Variants in ZNF385D observed in about 807,000 individuals in gnomAD.
ZNF385D encodes zinc finger protein 385D.
ZNF385D carries 15 observed loss-of-function variants against 35.8 expected under a neutral mutation model. The ratio of observed to expected loss-of-function variants is 0.42; its 90% CI spans 0.28 to 0.64. The LOEUF is 0.64. Among genes scored for constraint, ZNF385D ranks in the 30% least tolerant of loss-of-function variants. ZNF385D has a pLI of 0.23. For synonymous variants in ZNF385D, 212 were observed against 186.8 expected (o/e 1.13, Z -1.10); for missense variants, 474 against 494.6 (o/e 0.96, Z 0.39).
intron 2 of ZNF385D, among the ~76,000 whole-genome samples, chr3:22,352,735 T>C (rs1441399041): frequency 6.6e-6 from 1 of 152,108 alleles, no homozygotes; most frequent in African/African-American, 2.4e-5. Flanking sequence ...ACATATTCAG[T>C]AGATAAAAAT....
At chr3:21,681,513 G>C (rs1344381399) in intron 1 of ZNF385D, among the ~76,000 whole-genome samples, 3 of 151,350 alleles carry the variant, frequency 2.0e-5, no homozygotes, top group African/African-American at 7.3e-5. Context: ...CAAGGGGAGA[G>C]CTTAGGAAAG....
chr3:22,045,654 G>C (rs1576220459), intron 3 of ZNF385D, among the ~76,000 whole-genome samples: 1 of 152,088 alleles, frequency 6.6e-6, no homozygotes, highest in African/African-American at 2.4e-5. Context: ...AGTAAAGGTG[G>C]TATTTTAAAA....
chr3:21,596,604 C>T (rs2064134202), intron 2 of ZNF385D, among the ~76,000 whole-genome samples: 1 of 150,528 alleles, frequency 6.6e-6, no homozygotes, highest in Non-Finnish European at 1.5e-5. Context: ...CCTCAGCCTA[C>T]TGGCCAGCTG....
chr3:21,648,581 T>C (rs2065822231), intron 2 of ZNF385D, among the ~76,000 whole-genome samples: 1 of 152,164 alleles, frequency 6.6e-6, no homozygotes. Flanking sequence ...TTTATAAACA[T>C]TGATAACAAC....
chr3:22,296,725 T>G (rs971556728), intron 2 of ZNF385D, among the ~76,000 whole-genome samples: 1 of 152,102 alleles, frequency 6.6e-6, no homozygotes, highest in East Asian at 1.9e-4. Flanking sequence ...GCAGCTGACA[T>G]AGAAACCTCC....
chr3:21,932,166 C>CAAAAAAAAAAATAAAAAAAAAA (rs1701044216), intron 3 of ZNF385D, among the ~76,000 whole-genome samples: 1 of 55,314 alleles, frequency 1.8e-5, no homozygotes, highest in Non-Finnish European at 3.1e-5. Context: ...GACTCATTCT[C>CAAAAAAAAAAATAAAAAAAAAA]AAAAAAAAAA....
intron 2 of ZNF385D, among the ~76,000 whole-genome samples, chr3:21,616,135 C>T (rs534896599): frequency 9.9e-5 from 15 of 151,596 alleles, no homozygotes; most frequent in African/African-American, 3.6e-4. Context: ...AAAGAATGAA[C>T]AAAATAAAAG....
upstream of ZNF385D, among the ~76,000 whole-genome samples, chr3:21,752,003 A>ACACC (rs2070116551): frequency 4.4e-5 from 2 of 45,820 alleles, no homozygotes; most frequent in African/African-American, 6.8e-5. Context: ...ACACACACAC[A>ACACC]CCCACCCCCC....
chr3:21,585,093 G>A (rs2063773223), intron 2 of ZNF385D, among the ~76,000 whole-genome samples: 1 of 152,084 alleles, frequency 6.6e-6, no homozygotes, highest in African/African-American at 2.4e-5. Context: ...TTCTAAATGT[G>A]TTTTAAATAA....
At chr3:21,743,356 T>C (rs931249762) in intron 1 of ZNF385D, among the ~76,000 whole-genome samples, 1 of 152,224 alleles carries the variant, frequency 6.6e-6, no homozygotes, top group African/African-American at 2.4e-5. Flanking sequence ...ACACTAAATA[T>C]AGACACTAGA....
intron 2 of ZNF385D, among the ~76,000 whole-genome samples, chr3:21,578,491 A>G (rs1308276303): frequency 6.6e-6 from 1 of 152,058 alleles, no homozygotes; most frequent in Non-Finnish European, 1.5e-5. Context: ...TCAATTTCAC[A>G]TTGATTTTTA....
intron 2 of ZNF385D, among the ~76,000 whole-genome samples, chr3:22,178,868 C>T (rs902393823): frequency 6.6e-6 from 1 of 152,104 alleles, no homozygotes; most frequent in Non-Finnish European, 1.5e-5. Context: ...TTGTTTTTGC[C>T]AGGTTTGTCA....
At chr3:22,105,361 A>G (rs955104158) in intron 3 of ZNF385D, among the ~76,000 whole-genome samples, 1 of 151,942 alleles carries the variant, frequency 6.6e-6, no homozygotes, top group Non-Finnish European at 1.5e-5. Context: ...ATAAACACAT[A>G]TATATCTATA....
chr3:21,485,417 C>T (rs1704954260), intron 4 of ZNF385D, among the ~76,000 whole-genome samples: 1 of 152,138 alleles, frequency 6.6e-6, no homozygotes, highest in Non-Finnish European at 1.5e-5. Context: ...TCCTAAACTG[C>T]CAGCTGGTGG....
intron 3 of ZNF385D, among the ~76,000 whole-genome samples, chr3:22,051,043 TG>T (rs1699320082): frequency 2.7e-5 from 1 of 37,420 alleles, no homozygotes; most frequent in African/African-American, 1.0e-4. Flanking sequence ...GTTCAATTCC[TG>T]GGTATCCTTG....
intron 2 of ZNF385D, among the ~76,000 whole-genome samples, chr3:21,636,485 G>A (rs534375688): frequency 1.2e-3 from 182 of 147,882 alleles, no homozygotes; most frequent in African/African-American, 4.4e-3. Context: ...GCTGAGAAGC[G>A]AAGAAGAAGC....
chr3:21,880,251 C>G (rs2125862420), intron 3 of ZNF385D, among the ~76,000 whole-genome samples: 1 of 152,042 alleles, frequency 6.6e-6, no homozygotes, highest in Admixed American at 6.6e-5. Flanking sequence ...CATTTTATTG[C>G]ACTTTGCTTT....
chr3:22,138,633 G>C (rs1345786054), intron 3 of ZNF385D, among the ~76,000 whole-genome samples: 1 of 151,832 alleles, frequency 6.6e-6, no homozygotes, highest in African/African-American at 2.4e-5. Context: ...GCTGAAACTG[G>C]ATCCCTTCCT....
intron 3 of ZNF385D, among the ~76,000 whole-genome samples, chr3:22,111,407 T>C (rs1025775389): frequency 2.0e-5 from 3 of 151,822 alleles, no homozygotes; most frequent in African/African-American, 7.3e-5. Flanking sequence ...GACACATGGA[T>C]TGGACAAAGC....
Sources: gnomAD v4.1 joint callset for allele counts (sites outside exome capture counted in the v4.1 genomes callset) on GRCh38, gnomAD v4.1.1 for gene constraint, MANE v1.5 for transcripts, NCBI Gene and HGNC (gene_info 2026-07-23, HGNC 2026-07-21) for gene names.